LATS1: variants seen among roughly 807,000 people sequenced by gnomAD.
LATS1 encodes the protein large tumor suppressor kinase 1, also known as serine/threonine-protein kinase LATS1.
In LATS1, 25 loss-of-function variants were observed where a neutral mutation model predicts 106.6. The ratio of observed to expected loss-of-function variants is 0.23; its 90% CI spans 0.17 to 0.33. The LOEUF (loss-of-function observed/expected upper bound fraction) is 0.33. LATS1 is among the 10% of genes least tolerant of loss of function. The pLI, the probability that LATS1 is intolerant of heterozygous loss-of-function variation, is 1.00. For synonymous variants in LATS1, 465 were observed against 455.6 expected (o/e 1.02, Z -0.26); for missense variants, 1,040 against 1,382.6 (o/e 0.75, Z 3.93).
chr6:149,687,017 ACTT>A (rs1782412300), intron 3 of LATS1, among the ~76,000 whole-genome samples: 6 of 151,966 alleles, frequency 3.9e-5, no homozygotes, highest in Admixed American at 3.9e-4. Flanking sequence ...GACCACAACT[ACTT>A]CTTCTGTTTA....
intron 3 of LATS1, among the ~76,000 whole-genome samples, chr6:149,689,721 C>T (rs886739338): frequency 1.3e-5 from 2 of 152,246 alleles, no homozygotes; most frequent in South Asian, 4.2e-4. Flanking sequence ...TTTTCTATTT[C>T]AGAGAAAACA....
chr6:149,697,952 T>C (rs114753503), intron 2 of LATS1, among the ~76,000 whole-genome samples: 2,000 of 152,168 alleles, frequency 0.013, 46 homozygotes, highest in African/African-American at 0.046. Context: ...GTTGGCCAGG[T>C]TGGTCTCGAA....
chr6:149,695,279 A>T, intron 2 of LATS1, 58 bp from the exon 3 acceptor site: 1 of 1,162,044 alleles, frequency 8.6e-7, no homozygotes. Flanking sequence ...ACAATAATAC[A>T]AGGGAAAGAA....
chr6:149,711,815 T>C (rs1053193767), intron 1 of LATS1, among the ~76,000 whole-genome samples: 14 of 152,192 alleles, frequency 9.2e-5, no homozygotes, highest in Admixed American at 1.3e-4. Context: ...ACACAGAATC[T>C]GCCTAGGAGA....
At position 149,717,867 on chromosome 6, in the gene LATS1, C is replaced by T; in HGVS notation, c.-159G>A. ...GACCTACCTGGAGGGGAGAGCAGAG[C>T]TCCTGGACAGCGGCCACGGGCCTGA... On this transcript the variant is annotated 5_prime_UTR_variant, in exon 1 of 8. Transcript: ENST00000543571. The T allele has an allele frequency of 2.8e-6, 1 of 363,590 alleles. No individual in the cohort carries two copies. The highest frequency in any genetic ancestry group is 5.3e-6 in the Non-Finnish European group (1 of 186,930). The allele number at this position is 363,590 out of a possible 1,614,324, so 22.5% of individuals were successfully genotyped here.
At position 149,713,299 on chromosome 6, in the gene LATS1, C is replaced by CT. The variant is rs879912031; in HGVS notation, c.-141+4549dup. Among the ~76,000 whole-genome samples, 747 of 144,984 alleles carry CT rather than the reference C, an allele frequency of 5.2e-3. 4 individuals carry two copies. Among genetic ancestry groups the CT allele is most frequent in the African/African-American group, 9.1e-3 (364 of 39,812 alleles). ...TCTGTTACCTCAATTGTATTATTTT[C>CT]TTTTTTTTTTTTTGAGACAGAGTCT... On this transcript the variant is annotated intron_variant, in intron 1 of 7. Coordinates refer to ENST00000543571, the MANE Select transcript of LATS1 (RefSeq NM_004690.4).
intron 2 of LATS1, among the ~76,000 whole-genome samples, chr6:149,698,688 G>A (rs1342262900): frequency 7.2e-5 from 11 of 151,864 alleles, no homozygotes; most frequent in Non-Finnish European, 1.6e-4. Context: ...CAAGTAGCTG[G>A]GACTACAAGC....
rs1244165895 is a variant in LATS1 at position 149,679,877 on chromosome 6, C to T, written c.2591G>A (p.Ser864Asn). Residue 864 changes from serine to asparagine, a missense_variant and splice_region_variant, in exon 5 of 8, where the codon AGT becomes AAT. Ser to Asn is a conservative substitution (Grantham distance 46). Around this residue, in one of 7 missense-constraint regions of LATS1, gnomAD observed 63 missense variants for 64.3 expected, o/e 0.98. Coordinates refer to ENST00000543571, the MANE Select transcript of LATS1 (RefSeq NM_004690.4). Reference sequence around the variant, plus strand: ...ATAAATTTTATGAGTTTACTTACCACTCTGATAGTACTTAGAATCGTGTGT... The same window carrying T: ...ATAAATTTTATGAGTTTACTTACCATTCTGATAGTACTTAGAATCGTGTGT... ...RWTHDSKYYQ[S>N]GDHPRQDSMD... The T allele has an allele frequency of 6.4e-7, 1 of 1,572,286 alleles. No individual in the cohort carries two copies. Among genetic ancestry groups the T allele is most frequent in the East Asian group, 2.2e-5 (1 of 44,628 alleles).
intron 1 of LATS1, among the ~76,000 whole-genome samples, chr6:149,709,431 C>A (rs574895944): frequency 6.6e-6 from 1 of 152,286 alleles, no homozygotes; most frequent in South Asian, 2.1e-4. Flanking sequence ...GTCTCTTGTG[C>A]GGAAAATCTA....
At chr6:149,695,782 G>A (rs1236690804) in intron 2 of LATS1, among the ~76,000 whole-genome samples, 1 of 151,068 alleles carries the variant, frequency 6.6e-6, no homozygotes, top group African/African-American at 2.4e-5. Context: ...TAGGATTAAC[G>A]TCTTTTTTTA....
At chr6:149,698,229 G>A (rs2114930621) in intron 2 of LATS1, among the ~76,000 whole-genome samples, 1 of 142,866 alleles carries the variant, frequency 7.0e-6, no homozygotes, top group South Asian at 2.2e-4. Flanking sequence ...AGTAACTTTG[G>A]AATGGGAGTC....
intron 3 of LATS1, among the ~76,000 whole-genome samples, chr6:149,686,155 A>C (rs1782363590): frequency 6.6e-6 from 1 of 152,218 alleles, no homozygotes; most frequent in African/African-American, 2.4e-5. Context: ...CTGAGAAAAA[A>C]AGTGGTAAAA....
chr6:149,691,458 T>C (rs1181161168), intron 3 of LATS1, among the ~76,000 whole-genome samples: 2 of 152,204 alleles, frequency 1.3e-5, no homozygotes, highest in Non-Finnish European at 2.9e-5. Context: ...TAATACACCA[T>C]GTCACTAAAG....
Position 149,700,037 on chromosome 6 carries a change from C to G in LATS1, c.348+1742G>C, listed in dbSNP as rs561163514. ...ATTTCTTTAATCCTCCAAATACTAA[C>G]GAGAAAAACATTATCCCAGGTCCTT... On this transcript the variant is annotated intron_variant, in intron 2 of 7. Coordinates refer to ENST00000543571, the MANE Select transcript of LATS1 (RefSeq NM_004690.4). Among the ~76,000 whole-genome samples, 8 of 152,304 alleles carry G rather than the reference C, an allele frequency of 5.3e-5. No individual in the cohort carries two copies. The South Asian group carries it at 1.7e-3, about 32-fold the overall frequency.
intron 7 of LATS1, among the ~76,000 whole-genome samples, chr6:149,670,824 T>C (rs1467675884): frequency 6.6e-6 from 1 of 151,990 alleles, no homozygotes; most frequent in Non-Finnish European, 1.5e-5. Flanking sequence ...ATTATAGTTT[T>C]AAAAAACCTT....
chr6:149,703,947 T>C (rs1372541683), intron 1 of LATS1, among the ~76,000 whole-genome samples: 1 of 152,214 alleles, frequency 6.6e-6, no homozygotes, highest in South Asian at 2.1e-4. Flanking sequence ...CAGTGGAGGA[T>C]TGTTCAAGTA....
chr6:149,659,535 TGGGAA>T lies in LATS1; in HGVS notation c.*2189_*2193del, dbSNP rs1166376842. On this transcript the variant is annotated 3_prime_UTR_variant, in exon 8 of 8. Coordinates refer to ENST00000543571, the MANE Select transcript of LATS1 (RefSeq NM_004690.4). The stretch of plus-strand genomic sequence containing the variant: ...AGCAATAGGGGGAATACAGATTTTG[TGGGAA>T]GGGAAGGGGGAGGAGACAGCACCTT... 2.6e-5 allele frequency: 6 copies of T among 229,964 alleles called. No homozygotes were observed. Among genetic ancestry groups the T allele is most frequent in the Non-Finnish European group, 5.2e-5 (6 of 116,260 alleles). 14.2% of individuals were successfully genotyped at this position (229,964 alleles called of 1,614,324 possible).
chr6:149,701,364 T>G (rs931793545), intron 2 of LATS1, among the ~76,000 whole-genome samples: 3 of 152,344 alleles, frequency 2.0e-5, no homozygotes, highest in African/African-American at 7.2e-5. Flanking sequence ...ACACAAACTC[T>G]TAACTATAAT....
intron 7 of LATS1, among the ~76,000 whole-genome samples, chr6:149,674,852 G>T (rs1416934603): frequency 6.6e-6 from 1 of 152,050 alleles, no homozygotes; most frequent in Non-Finnish European, 1.5e-5. Context: ...TTGCATGAGA[G>T]GAGATCACGC....
Sources: allele counts gnomAD v4.1 joint callset (sites outside exome capture counted in the v4.1 genomes callset), GRCh38; gene constraint gnomAD v4.1.1; regional missense constraint gnomAD v4.1.1; transcripts MANE v1.5; gene names NCBI Gene and HGNC (gene_info 2026-07-23, HGNC 2026-07-21).